The following CHN2 variants were observed in gnomAD, a reference collection of about 807,000 sequenced individuals.
CHN2 encodes beta-chimaerin.
A neutral mutation model predicts 56.3 loss-of-function variants in CHN2; 35 were observed. The ratio of observed to expected loss-of-function variants is 0.62; its 90% CI spans 0.47 to 0.82. The LOEUF (loss-of-function observed/expected upper bound fraction) is 0.82. CHN2 is among the 40% of genes least tolerant of loss of function. The pLI is 0.00. For missense variants in CHN2, 491 were observed against 580.5 expected (o/e 0.85, Z 1.58); for synonymous variants, 210 against 212.8 (o/e 0.99, Z 0.12).
At chr7:29,474,652 G>C (rs1254613926) in intron 6 of CHN2, among the ~76,000 whole-genome samples, 1 of 152,074 alleles carries the variant, frequency 6.6e-6, no homozygotes, top group Non-Finnish European at 1.5e-5. Flanking sequence ...AACACCTAAG[G>C]AAGATTCAGA....
At chr7:29,268,288 A>C (rs1003538875) in intron 1 of CHN2, among the ~76,000 whole-genome samples, 2 of 145,490 alleles carry the variant, frequency 1.4e-5, no homozygotes, top group Non-Finnish European at 3.0e-5. Context: ...ACCAGAACAC[A>C]CACACACACA....
At chr7:29,174,698 T>C (rs531684308) in intron 2 of CHN2, among the ~76,000 whole-genome samples, 2 of 152,094 alleles carry the variant, frequency 1.3e-5, no homozygotes, top group African/African-American at 4.8e-5. Context: ...CCATCTATGC[T>C]AAAGATACAA....
intron 1 of CHN2, among the ~76,000 whole-genome samples, chr7:29,269,438 T>C (rs191454087): frequency 6.6e-6 from 1 of 152,380 alleles, no homozygotes; most frequent in East Asian, 1.9e-4. Flanking sequence ...ACATTTTCTT[T>C]ATCCATGCAC....
chr7:29,389,757 T>G (rs570593368), intron 3 of CHN2, among the ~76,000 whole-genome samples: 2 of 152,130 alleles, frequency 1.3e-5, no homozygotes, highest in Non-Finnish European at 1.5e-5. Context: ...GTTTTATTTT[T>G]AAAAAGAATC....
Position 29,335,811 on chromosome 7 carries a change from A to G in CHN2, c.50-18814A>G, listed in dbSNP as rs1407189946. The G allele has an allele frequency of 5.9e-5, 9 of 152,256 alleles. 1 individual carries two copies. Among genetic ancestry groups the G allele is most frequent in the Non-Finnish European group, 8.8e-5 (6 of 68,056 alleles). 9.4% of individuals were successfully genotyped at this position (152,256 alleles called of 1,614,324 possible). ...GTAAAAGCAGTACCAATGGCTGTGCAGACATTCCTAAAGAGAATCTTAGTT... is the reference window on the plus strand; with the variant it reads ...GTAAAAGCAGTACCAATGGCTGTGCGGACATTCCTAAAGAGAATCTTAGTT... On this transcript the variant is annotated intron_variant, in intron 1 of 12. Coordinates refer to ENST00000222792, the MANE Select transcript of CHN2 (RefSeq NM_004067.4).
intron 1 of CHN2, among the ~76,000 whole-genome samples, chr7:29,318,425 G>A (rs879909): frequency 5.1e-4 from 77 of 152,198 alleles, no homozygotes; most frequent in African/African-American, 1.7e-3. Context: ...GAAGTTTGTC[G>A]ACTCCTTTCC....
rs140981556 is a variant in CHN2, at chr7:29,343,922, C to T, written c.50-10703C>T. Among the ~76,000 whole-genome samples the T allele has an allele frequency of 9.2e-5, 14 of 152,324 alleles. No homozygotes were observed. In the South Asian group the frequency reaches 1.0e-3, roughly 11 times the overall value. ...TGGCCATTCCTCAGCCATCGCTTTCCAGCAGCAAAAGCTGAGAGCCTTGCT... is the reference window on the plus strand; with the variant it reads ...TGGCCATTCCTCAGCCATCGCTTTCTAGCAGCAAAAGCTGAGAGCCTTGCT... On this transcript the variant is annotated intron_variant, in intron 1 of 12. Transcript: ENST00000222792.
At chr7:29,422,930 C>T (rs1215261281) in intron 6 of CHN2, among the ~76,000 whole-genome samples, 1 of 152,188 alleles carries the variant, frequency 6.6e-6, no homozygotes, top group African/African-American at 2.4e-5. Context: ...AGAGAAAAAG[C>T]TTCCATGTTT....
chr7:29,390,882 G>A (rs1323456057), intron 3 of CHN2, among the ~76,000 whole-genome samples: 1 of 152,140 alleles, frequency 6.6e-6, no homozygotes, highest in Non-Finnish European at 1.5e-5. Flanking sequence ...TGGATCTGAG[G>A]ATCCAGTATT....
At chr7:29,302,044 A>G (rs1301410947) in intron 1 of CHN2, among the ~76,000 whole-genome samples, 2 of 152,228 alleles carry the variant, frequency 1.3e-5, no homozygotes, top group African/African-American at 4.8e-5. Flanking sequence ...GCCCTAAGGC[A>G]GGACCTAATG....
Position 29,274,511 on chromosome 7 carries a change from A to G in CHN2, c.49+79521A>G, listed in dbSNP as rs192171459. Among the ~76,000 whole-genome samples, 45 of 152,318 alleles carry G rather than the reference A, an allele frequency of 3.0e-4. 1 individual carries two copies. Among genetic ancestry groups the G allele is most frequent in the Admixed American group, 2.9e-3 (45 of 15,308 alleles). On this transcript the variant is annotated intron_variant, in intron 1 of 12. Coordinates refer to ENST00000222792, the MANE Select transcript of CHN2 (RefSeq NM_004067.4). ...GTGCAAAATCATCTCACTTAATTGT[A>G]ACCTCCTTTTTCCTGCATTAATCAA...
chr7:29,378,950 C>T (rs948231878), intron 3 of CHN2, among the ~76,000 whole-genome samples: 6 of 152,052 alleles, frequency 3.9e-5, no homozygotes, highest in African/African-American at 1.4e-4. Flanking sequence ...GGAGACAGAG[C>T]GAGACTCCGT....
chr7:29,337,177 A>C (rs1796690812), intron 1 of CHN2, among the ~76,000 whole-genome samples: 1 of 152,230 alleles, frequency 6.6e-6, no homozygotes, highest in African/African-American at 2.4e-5. Flanking sequence ...GAACATGAAC[A>C]AATGATCTTT....
chr7:29,449,168 T>C lies in CHN2; in HGVS notation c.577-31111T>C, dbSNP rs183381569. 8.3e-4 allele frequency among the ~76,000 whole-genome samples: 127 copies of C among 152,240 alleles called. 1 individual carries two copies. Among genetic ancestry groups the C allele is most frequent in the East Asian group, 5.8e-4 (3 of 5,186 alleles). ...CCCAGAGTGAAGTGTTTCCTTATTA[T>C]TTCACACAAGGGAAAAAGCAGAACA... On this transcript the variant is annotated intron_variant, in intron 6 of 12. Transcript: ENST00000222792.
upstream of CHN2, chr7:29,192,183 C>T (rs1363504368): frequency 6.6e-6 from 1 of 152,384 alleles, no homozygotes; most frequent in Non-Finnish European, 1.5e-5. Context: ...GTTTGTTGGC[C>T]TTGTATTCCT....
intron 1 of CHN2, among the ~76,000 whole-genome samples, chr7:29,253,242 C>G (rs73309967): frequency 1.3e-5 from 2 of 152,180 alleles, no homozygotes; most frequent in Non-Finnish European, 2.9e-5. Flanking sequence ...TTCTCTCTTC[C>G]GGCCTGTCAT....
At chr7:29,177,509 C>G (rs1048050158) in intron 2 of CHN2, among the ~76,000 whole-genome samples, 4 of 151,832 alleles carry the variant, frequency 2.6e-5, no homozygotes, top group Non-Finnish European at 5.9e-5. Flanking sequence ...CTGCCTTGGC[C>G]TCCCACAGTG....
chr7:29,437,916 T>G (rs775374696), intron 6 of CHN2, among the ~76,000 whole-genome samples: 7 of 152,182 alleles, frequency 4.6e-5, no homozygotes, highest in Non-Finnish European at 1.0e-4. Context: ...TCAGTAAGAA[T>G]GGCTGAAGAG....
At position 29,417,316 on chromosome 7, in the gene CHN2, A is replaced by T. The variant is rs930777190; in HGVS notation, c.576+16488A>T. Among the ~76,000 whole-genome samples, 14 of 147,600 alleles carry T rather than the reference A, an allele frequency of 9.5e-5. No individual in the cohort carries two copies. The East Asian group carries it at 2.2e-3, about 23-fold the overall frequency. On this transcript the variant is annotated intron_variant, in intron 6 of 12. Coordinates refer to ENST00000222792, the MANE Select transcript of CHN2 (RefSeq NM_004067.4). ...CCAGGTTGCTCATTGTCTTTGTGAC[A>T]TTTTTTTACTGTAACCCTTTTTTTT... is the stretch of plus-strand genomic sequence containing the variant.
Sources: gnomAD v4.1 joint callset for allele counts (sites outside exome capture counted in the v4.1 genomes callset) on GRCh38, gnomAD v4.1.1 for gene constraint, MANE v1.5 for transcripts, NCBI Gene and HGNC (gene_info 2026-07-23, HGNC 2026-07-21) for gene names.